NUSAP1: variants seen among roughly 807,000 people sequenced by gnomAD.
NUSAP1 encodes nucleolar and spindle associated protein 1.
Under a neutral mutation model 52.8 loss-of-function variants are expected in NUSAP1, and 32 were observed. The observed-to-expected ratio is 0.61, with a 90% CI of 0.46 to 0.81. The LOEUF is 0.81. Among genes scored for constraint, NUSAP1 ranks in the 40% least tolerant of loss-of-function variants. The pLI, the probability that NUSAP1 is intolerant of heterozygous loss-of-function variation, is 0.00. For missense variants in NUSAP1, 499 were observed against 522.3 expected (o/e 0.96, Z 0.43); for synonymous variants, 195 against 183.1 (o/e 1.06, Z -0.52).
chr15:41,379,384 A>T (rs903980525), intron 10 of NUSAP1, among the ~76,000 whole-genome samples: 11 of 151,446 alleles, frequency 7.3e-5, no homozygotes, highest in African/African-American at 2.7e-4. Flanking sequence ...TTGGCCTTGA[A>T]CTCCTGGGCA....
At chr15:41,373,558 T>C (rs1364555518) in intron 8 of NUSAP1, among the ~76,000 whole-genome samples, 1 of 149,330 alleles carries the variant, frequency 6.7e-6, no homozygotes, top group Non-Finnish European at 1.5e-5. Context: ...CACGCCATTC[T>C]CCTGCCTCAG....
intron 8 of NUSAP1, among the ~76,000 whole-genome samples, chr15:41,374,310 G>A (rs1240000577): frequency 6.6e-6 from 1 of 152,122 alleles, no homozygotes; most frequent in Non-Finnish European, 1.5e-5. Flanking sequence ...CATGATTCTG[G>A]TGAGGGCTGT....
chr15:41,363,970 T>C (rs964674782), intron 6 of NUSAP1, among the ~76,000 whole-genome samples: 3 of 151,934 alleles, frequency 2.0e-5, no homozygotes, highest in East Asian at 3.9e-4. Flanking sequence ...TATTTGTAGA[T>C]TCCACATGTT....
intron 4 of NUSAP1, among the ~76,000 whole-genome samples, chr15:41,355,655 CG>C (rs199882839): frequency 1.4e-4 from 18 of 125,752 alleles, no homozygotes; most frequent in East Asian, 4.0e-4. Context: ...AACTTACACA[CG>C]TTTTTTTTTT....
chr15:41,341,961 T>A (rs1367564958), intron 1 of NUSAP1, among the ~76,000 whole-genome samples: 1 of 152,218 alleles, frequency 6.6e-6, no homozygotes, highest in East Asian at 1.9e-4. Context: ...TTCTTCAAAC[T>A]CCACCCTCAT....
intron 3 of NUSAP1, among the ~76,000 whole-genome samples, chr15:41,350,663 T>C (rs1332048332): frequency 6.6e-6 from 1 of 152,184 alleles, no homozygotes; most frequent in East Asian, 1.9e-4. Context: ...TTGGAGTGAA[T>C]AAATGCAGTA....
intron 10 of NUSAP1, among the ~76,000 whole-genome samples, chr15:41,378,803 A>T (rs544357581): frequency 7.2e-5 from 11 of 151,858 alleles, no homozygotes; most frequent in Non-Finnish European, 1.5e-4. Context: ...GTCAAAGGTC[A>T]AGCTCAAAAT....
rs572226810 is a variant in NUSAP1 at position 41,342,575 on chromosome 15, C to T, written c.162+121C>T. 9.7e-5 allele frequency: 72 copies of T among 740,870 alleles called. 1 individual carries two copies. In the South Asian group the frequency reaches 1.2e-3, roughly 12 times the overall value. 45.9% of individuals were successfully genotyped at this position (740,870 alleles called of 1,614,324 possible). A position where few individuals can be genotyped will look rare whatever the true frequency, so the allele number is the denominator to read the frequency against. ...GCTGTTGGCCAGGTGTTGTGGCTCA[C>T]GCCTATACTCCTAGCACTTTGGTAG... is the stretch of plus-strand genomic sequence containing the variant. On this transcript the variant is annotated intron_variant, in intron 2 of 10. Transcript: ENST00000559596.
intron 4 of NUSAP1, 40 bp from the exon 5 acceptor site, chr15:41,355,999 T>G (rs2048955742): frequency 2.2e-6 from 3 of 1,354,294 alleles, no homozygotes; most frequent in Non-Finnish European, 3.1e-6. Context: ...AATGAGAACT[T>G]TTTTGAAATC....
chr15:41,379,995 C>A, intron 10 of NUSAP1, 98 bp from the exon 11 acceptor site: 2 of 788,904 alleles, frequency 2.5e-6, no homozygotes, highest in Non-Finnish European at 2.1e-6. Flanking sequence ...TGCTGGATGT[C>A]ATTGCTTGGA....
intron 6 of NUSAP1, among the ~76,000 whole-genome samples, chr15:41,364,578 G>A (rs2049311647): frequency 6.6e-6 from 1 of 151,576 alleles, no homozygotes; most frequent in South Asian, 2.1e-4. Flanking sequence ...AAAAGATAAT[G>A]CCCAGATAGC....
intron 1 of NUSAP1, among the ~76,000 whole-genome samples, chr15:41,335,760 A>G (rs2048101359): frequency 1.4e-5 from 2 of 144,762 alleles, no homozygotes; most frequent in South Asian, 4.2e-4. Flanking sequence ...AATATGCTAT[A>G]TTTATACCGG....
At chr15:41,371,773 T>C in intron 8 of NUSAP1, 89 bp downstream of exon 8, 1 of 1,446,628 alleles carries the variant, frequency 6.9e-7, no homozygotes, top group South Asian at 1.4e-5. Flanking sequence ...TTTTTTTGTT[T>C]GTTTGTTTTT....
In NUSAP1 at chr15:41,342,393, A is replaced by T; in HGVS notation, c.101A>T (p.Lys34Met). 6.3e-7 allele frequency: 1 copy of T among 1,589,700 alleles called. No homozygotes were observed. The highest frequency in any genetic ancestry group is 8.6e-7 in the Non-Finnish European group (1 of 1,166,070). ...LGLRANLRATKLLKALKGYIK... is the reference protein window; with the variant it reads ...LGLRANLRATMLLKALKGYIK... ...ATAAGGTCTCTCTTGCAGGCAACCA[A>T]GTTGTTAAAAGCCTTGAAAGGCTAC... The change falls in exon 2 of 11, where the codon AAG (lysine) becomes ATG (methionine). Residue 34 changes from lysine to methionine, a missense_variant. By Grantham distance (95) the Lys-to-Met change is moderately conservative. Transcript: ENST00000559596.
chr15:41,377,959 C>T (rs1401270402), intron 10 of NUSAP1, among the ~76,000 whole-genome samples: 2 of 151,602 alleles, frequency 1.3e-5, no homozygotes, highest in Non-Finnish European at 2.9e-5. Context: ...CACTGCACTC[C>T]AGCCTGGGCG....
chr15:41,361,854 A>T (rs1347121436), intron 6 of NUSAP1, among the ~76,000 whole-genome samples: 1 of 149,082 alleles, frequency 6.7e-6, no homozygotes. Flanking sequence ...CTAGAGAATT[A>T]AAAAAAAAAA....
At chr15:41,351,200 A>C (rs955662333) in intron 4 of NUSAP1, 71 bp downstream of exon 4, 34 of 1,483,444 alleles carry the variant, frequency 2.3e-5, no homozygotes, top group Non-Finnish European at 3.0e-5. Flanking sequence ...CAGGTACATT[A>C]ATTTCCTAGG....
chr15:41,357,342 T>G (rs1249189061), intron 5 of NUSAP1, among the ~76,000 whole-genome samples: 1 of 151,934 alleles, frequency 6.6e-6, no homozygotes, highest in Non-Finnish European at 1.5e-5. Flanking sequence ...CACTGTAGCC[T>G]GGGCAATAGA....
At chr15:41,357,680 G>A (rs534941171) in intron 5 of NUSAP1, among the ~76,000 whole-genome samples, 1 of 152,000 alleles carries the variant, frequency 6.6e-6, no homozygotes, top group Admixed American at 6.6e-5. Flanking sequence ...CTGACCTCAG[G>A]TGATCTGACC....
Sources: allele counts gnomAD v4.1 joint callset (sites outside exome capture counted in the v4.1 genomes callset), GRCh38; gene constraint gnomAD v4.1.1; transcripts MANE v1.5; gene names NCBI Gene and HGNC (gene_info 2026-07-23, HGNC 2026-07-21).